INSYN2A: variants seen among roughly 807,000 people sequenced by gnomAD.
The protein encoded by INSYN2A is inhibitory synaptic factor 2A.
Under a neutral mutation model 39.4 loss-of-function variants are expected in INSYN2A, and 17 were observed. That is an observed-to-expected ratio of 0.43 (90% CI 0.30 to 0.65). INSYN2A has a LOEUF of 0.65. Ranked by LOEUF, INSYN2A falls within the 30% of genes least tolerant of loss-of-function variation. The pLI is 0.14. For synonymous variants in INSYN2A, 255 were observed against 265.7 expected (o/e 0.96, Z 0.39); for missense variants, 595 against 631.2 (o/e 0.94, Z 0.61).
chr10:127,182,784 C>T (rs999879518), intron 2 of INSYN2A, among the ~76,000 whole-genome samples: 1 of 152,074 alleles, frequency 6.6e-6, no homozygotes, highest in African/African-American at 2.4e-5. Flanking sequence ...CCCTGTTTCC[C>T]ATCATCATGA....
chr10:127,143,275 C>T (rs1246226954), intron 5 of INSYN2A, among the ~76,000 whole-genome samples: 5 of 152,180 alleles, frequency 3.3e-5, no homozygotes, highest in African/African-American at 9.7e-5. Flanking sequence ...GGGAAGAAAA[C>T]CCTTTGTCTT....
chr10:127,161,403 A>C (rs761001602), intron 4 of INSYN2A, among the ~76,000 whole-genome samples: 70 of 152,056 alleles, frequency 4.6e-4, no homozygotes, highest in Non-Finnish European at 8.7e-4. Context: ...AGCTGATAGG[A>C]CCCATCTGTC....
At chr10:127,179,335 A>T (rs2055490120) in intron 2 of INSYN2A, among the ~76,000 whole-genome samples, 1 of 152,214 alleles carries the variant, frequency 6.6e-6, no homozygotes, top group South Asian at 2.1e-4. Flanking sequence ...TGTTTTATAG[A>T]GGGTTGCTGG....
At chr10:127,158,684 G>A (rs2053312125) in intron 4 of INSYN2A, among the ~76,000 whole-genome samples, 1 of 152,150 alleles carries the variant, frequency 6.6e-6, no homozygotes, top group Admixed American at 6.5e-5. Context: ...GGTATAAATT[G>A]TGAAAAGTTC....
At position 127,144,305 on chromosome 10, in the gene INSYN2A, C is replaced by G. The variant is rs554326586; in HGVS notation, c.1257-6285G>C. Among the ~76,000 whole-genome samples, 189 of 152,278 alleles carry G rather than the reference C, an allele frequency of 1.2e-3. 1 individual carries two copies. Among genetic ancestry groups the G allele is most frequent in the African/African-American group, 4.3e-3 (180 of 41,552 alleles). ...CTAGAATAACAAAGTCCACCCTCCC[C>G]CCTGCCTCATCCACACACCTCTGGG... On this transcript the variant is annotated intron_variant, in intron 5 of 5. Coordinates refer to ENST00000522781, the MANE Select transcript of INSYN2A (RefSeq NM_001039762.3).
intron 2 of INSYN2A, among the ~76,000 whole-genome samples, chr10:127,183,761 A>G (rs150656096): frequency 6.6e-6 from 1 of 152,310 alleles, no homozygotes; most frequent in East Asian, 1.9e-4. Flanking sequence ...GCTGGTGAAG[A>G]GAAAATAAAC....
chr10:127,180,325 G>T (rs1434250579), intron 2 of INSYN2A, among the ~76,000 whole-genome samples: 2 of 152,156 alleles, frequency 1.3e-5, no homozygotes, highest in Admixed American at 1.3e-4. Flanking sequence ...GGCTTGCCTT[G>T]GCTGGGTCAC....
chr10:127,160,805 C>G (rs929258518), intron 4 of INSYN2A, among the ~76,000 whole-genome samples: 3 of 152,168 alleles, frequency 2.0e-5, no homozygotes, highest in African/African-American at 4.8e-5. Context: ...TAAGTTTGAT[C>G]TCTCTTGTTC....
chr10:127,176,481 C>G lies in INSYN2A; in HGVS notation c.-5-81G>C, dbSNP rs1589788895. 6.1e-6 allele frequency: 7 copies of G among 1,140,026 alleles called. No individual in the cohort carries two copies. In the East Asian group the frequency reaches 1.4e-4, roughly 23 times the overall value. The allele number at this position is 1,140,026 out of a possible 1,614,324, so 70.6% of individuals were successfully genotyped here. A position where few individuals can be genotyped will look rare whatever the true frequency, so the allele number is the denominator to read the frequency against. On this transcript the variant is annotated intron_variant, in intron 3 of 5. Coordinates refer to ENST00000522781, the MANE Select transcript of INSYN2A (RefSeq NM_001039762.3). The surrounding 1 kb of genome is among the most constrained non-coding windows in gnomAD (Gnocchi z 4.4). ...ACCGGCCGCACAAACTTTTAGCCACCACGACGACTGCCTGTTTCCTAATTA... is the reference window on the plus strand; with the variant it reads ...ACCGGCCGCACAAACTTTTAGCCACGACGACGACTGCCTGTTTCCTAATTA...
At chr10:127,187,018 C>T (rs1037377958) in intron 2 of INSYN2A, among the ~76,000 whole-genome samples, 1 of 152,194 alleles carries the variant, frequency 6.6e-6, no homozygotes, top group South Asian at 2.1e-4. Flanking sequence ...CTTAAAGGGC[C>T]AGTTGCAGCA....
At chr10:127,143,025 C>A (rs181287515) in intron 5 of INSYN2A, among the ~76,000 whole-genome samples, 1 of 152,190 alleles carries the variant, frequency 6.6e-6, no homozygotes, top group South Asian at 2.1e-4. Flanking sequence ...CACTTCTCCC[C>A]GCTGCCGCAT....
intron 5 of INSYN2A, among the ~76,000 whole-genome samples, chr10:127,149,431 G>A (rs982763742): frequency 1.3e-5 from 2 of 152,104 alleles, no homozygotes; most frequent in Admixed American, 1.3e-4. Context: ...ATATTTCCAT[G>A]ACAGAATTAT....
rs888295120 is a variant in INSYN2A, at chr10:127,137,089, A to G, written c.*748T>C. On this transcript the variant is annotated 3_prime_UTR_variant, in exon 6 of 6. Coordinates refer to ENST00000522781, the MANE Select transcript of INSYN2A (RefSeq NM_001039762.3). ...GAAAACTTAGTGTCCAATAGCTCTG[A>G]CCCTGTCTACTTGCAGTGATTAAAG... is the stretch of plus-strand genomic sequence containing the variant. 6.6e-6 allele frequency: 1 copy of G among 152,566 alleles called. No individual in the cohort carries two copies. The highest frequency in any genetic ancestry group is 1.5e-5 in the Non-Finnish European group (1 of 68,030). 9.5% of individuals were successfully genotyped at this position (152,566 alleles called of 1,614,324 possible).
intron 1 of INSYN2A, among the ~76,000 whole-genome samples, chr10:127,193,098 TAAAATC>T (rs2056865736): frequency 1.3e-5 from 2 of 152,300 alleles, no homozygotes; most frequent in South Asian, 4.1e-4. Flanking sequence ...TATGAAATAT[TAAAATC>T]AAATATGTGA....
At chr10:127,145,180 C>T (rs558565926) in intron 5 of INSYN2A, among the ~76,000 whole-genome samples, 1 of 152,212 alleles carries the variant, frequency 6.6e-6, no homozygotes, top group South Asian at 2.1e-4. Flanking sequence ...GTGCCTGGGT[C>T]TGAGGGCAGG....
At chr10:127,166,047 A>C (rs558351863) in intron 4 of INSYN2A, among the ~76,000 whole-genome samples, 1 of 152,308 alleles carries the variant, frequency 6.6e-6, no homozygotes, top group Admixed American at 6.5e-5. Context: ...AAAATTTAAA[A>C]AATGCCTGCA....
chr10:127,171,439 C>T (rs1376835844), intron 4 of INSYN2A, among the ~76,000 whole-genome samples: 5 of 152,222 alleles, frequency 3.3e-5, no homozygotes, highest in East Asian at 1.9e-4. Context: ...GGAGCAGGCC[C>T]ATGACCCCTT....
rs913526223 is a variant in INSYN2A, at chr10:127,137,617, A to G, written c.*220T>C. On this transcript the variant is annotated 3_prime_UTR_variant, in exon 6 of 6. Coordinates refer to ENST00000522781, the MANE Select transcript of INSYN2A (RefSeq NM_001039762.3). The stretch of plus-strand genomic sequence containing the variant: ...TTTCATTTCAGATTTTACATCCCAC[A>G]TCAGTGAACTGCAAAGAACAGCTGG... The G allele has an allele frequency of 2.2e-6, 1 of 463,342 alleles. No homozygotes were observed. 28.7% of individuals were successfully genotyped at this position (463,342 alleles called of 1,614,324 possible). A position where few individuals can be genotyped will look rare whatever the true frequency, so the allele number is the denominator to read the frequency against.
At chr10:127,158,856 C>T (rs2053329410) in intron 4 of INSYN2A, among the ~76,000 whole-genome samples, 1 of 152,186 alleles carries the variant, frequency 6.6e-6, no homozygotes, top group African/African-American at 2.4e-5. Flanking sequence ...TCGCATTCAG[C>T]ACCAGGGACA....
Sources: allele counts gnomAD v4.1 joint callset (sites outside exome capture counted in the v4.1 genomes callset), GRCh38; gene constraint gnomAD v4.1.1; non-coding constraint Gnocchi (gnomAD v3.1); transcripts MANE v1.5; gene names NCBI Gene and HGNC (gene_info 2026-07-23, HGNC 2026-07-21).